The following NUDT19 variants were observed in gnomAD, a reference collection of about 807,000 sequenced individuals.
NUDT19 encodes the protein nudix hydrolase 19.
Under a neutral mutation model 22.2 loss-of-function variants are expected in NUDT19, and 31 were observed. The ratio of observed to expected loss-of-function variants is 1.40; its 90% confidence interval spans 1.05 to 1.89. The LOEUF (loss-of-function observed/expected upper bound fraction) is 1.89. Ranked by LOEUF, NUDT19 falls within the 40% of genes most tolerant of loss-of-function variation. The pLI, the probability that NUDT19 is intolerant of heterozygous loss-of-function variation, is 0.00. For synonymous variants in NUDT19, 325 were observed against 230.8 expected (o/e 1.41, Z -3.70); for missense variants, 752 against 514.2 (o/e 1.46, Z -4.47).
intron 1 of NUDT19, among the ~76,000 whole-genome samples, chr19:32,707,206 C>G (rs192799693): frequency 7.6e-4 from 116 of 152,304 alleles, no homozygotes; most frequent in Non-Finnish European, 1.0e-3. Flanking sequence ...GCCATTTAAC[C>G]CTTTGTCTTC....
At chr19:32,699,279 G>T (rs777634417) in intron 1 of NUDT19, among the ~76,000 whole-genome samples, 3 of 152,200 alleles carry the variant, frequency 2.0e-5, no homozygotes, top group Non-Finnish European at 2.9e-5. Context: ...AAGGCGAGAG[G>T]AAGTTTGTCT....
chr19:32,692,111 C>T lies in NUDT19; in HGVS notation c.151C>T (p.Pro51Ser). The T allele has an allele frequency of 2.8e-6, 4 of 1,427,978 alleles. No individual in the cohort carries two copies. The highest frequency in any genetic ancestry group is 1.8e-6 in the Non-Finnish European group (2 of 1,098,546). The allele number at this position is 1,427,978 out of a possible 1,614,324, so 88.5% of individuals were successfully genotyped here. A position where few individuals can be genotyped will look rare whatever the true frequency, so the allele number is the denominator to read the frequency against. The change falls in exon 1 of 3, where the codon CCG (proline) becomes TCG (serine). Residue 51 changes from proline (P) to serine (S), a missense_variant. Coordinates refer to ENST00000397061, the MANE Select transcript of NUDT19 (RefSeq NM_001105570.2). ...GFRLLLLQRS[P>S]HQGFMPGAHV... ...CCGGCTGCTGCTGCTGCAGCGCTCC[C>T]CGCACCAAGGCTTCATGCCGGGCGC...
rs368543176 is a variant in NUDT19 at position 32,692,421 on chromosome 19, C to G, written c.461C>G (p.Pro154Arg). 929 of 1,556,628 alleles carry G rather than the reference C, an allele frequency of 6.0e-4. No homozygotes were observed. The highest frequency in any genetic ancestry group is 7.4e-4 in the Non-Finnish European group (852 of 1,158,422). ...RTSPPGPAPG[P>R]GLALEPPPGL... ...TCCCCACCAGGCCCAGCACCCGGGC[C>G]TGGCCTCGCCCTGGAGCCACCGCCG... Residue 154 changes from proline (P) to arginine (R), a missense_variant, in exon 1 of 3, where the codon CCT becomes CGT. Pro to Arg is a moderately radical substitution (Grantham distance 103). Coordinates refer to ENST00000397061, the MANE Select transcript of NUDT19 (RefSeq NM_001105570.2).
intron 1 of NUDT19, among the ~76,000 whole-genome samples, chr19:32,693,158 A>C (rs1314377528): frequency 6.6e-6 from 1 of 152,186 alleles, no homozygotes; most frequent in African/African-American, 2.4e-5. Flanking sequence ...TGACTTTAAG[A>C]ATAAAGCCGC....
intron 1 of NUDT19, among the ~76,000 whole-genome samples, chr19:32,695,839 A>G (rs953725163): frequency 6.6e-6 from 1 of 152,264 alleles, no homozygotes; most frequent in African/African-American, 2.4e-5. Flanking sequence ...CTATCTGTAT[A>G]CACGTTTTTT....
chr19:32,711,787 G>C lies in NUDT19; in HGVS notation c.958G>C (p.Glu320Gln). Residue 320 changes from glutamate (E) to glutamine (Q), a missense_variant, in exon 3 of 3, where the codon GAA (glutamate) becomes CAA (glutamine). Glu to Gln is a conservative substitution (Grantham distance 29). Coordinates refer to ENST00000397061, the MANE Select transcript of NUDT19 (RefSeq NM_001105570.2). ...ATATTTAGAAGATTCAGACTTTTTG[G>C]AAAATCTTATGTCTACTGAAAAAAA... ...ELYLEDSDFLENLMSTEKKTE... is the reference protein window; with the variant it reads ...ELYLEDSDFLQNLMSTEKKTE... The C allele has an allele frequency of 6.2e-7, 1 of 1,613,090 alleles. No individual in the cohort carries two copies. Among genetic ancestry groups the C allele is most frequent in the South Asian group, 1.1e-5 (1 of 91,016 alleles).
At chr19:32,705,669 C>T (rs1421004244) in intron 1 of NUDT19, among the ~76,000 whole-genome samples, 1 of 151,456 alleles carries the variant, frequency 6.6e-6, no homozygotes, top group Non-Finnish European at 1.5e-5. Flanking sequence ...ACTGCAACCT[C>T]CTCCTCCCTG....
intron 1 of NUDT19, among the ~76,000 whole-genome samples, chr19:32,702,075 T>TA (rs1968341735): frequency 6.6e-6 from 1 of 152,230 alleles, no homozygotes; most frequent in African/African-American, 2.4e-5. Context: ...CTGATACAGA[T>TA]ACTCTGCTTT....
At chr19:32,705,193 T>C (rs1968375456) in intron 1 of NUDT19, among the ~76,000 whole-genome samples, 1 of 146,020 alleles carries the variant, frequency 6.8e-6, no homozygotes, top group Non-Finnish European at 1.5e-5. Context: ...GAGGCCAAGG[T>C]GGGTGGATCA....
intron 1 of NUDT19, among the ~76,000 whole-genome samples, chr19:32,708,914 T>C (rs1367456766): frequency 2.6e-5 from 4 of 152,206 alleles, no homozygotes; most frequent in Non-Finnish European, 4.4e-5. Flanking sequence ...CCACCTCTTA[T>C]GCTGAACAGC....
At chr19:32,696,247 C>G (rs1387052023) in intron 1 of NUDT19, among the ~76,000 whole-genome samples, 5 of 152,158 alleles carry the variant, frequency 3.3e-5, no homozygotes, top group African/African-American at 1.2e-4. Context: ...CCTTTGGCAC[C>G]TAGTTTGCCA....
At chr19:32,707,893 G>A (rs1377051009) in intron 1 of NUDT19, among the ~76,000 whole-genome samples, 1 of 151,494 alleles carries the variant, frequency 6.6e-6, no homozygotes, top group Admixed American at 6.6e-5. Context: ...CAGGAGAATG[G>A]CATGAACCCA....
intron 2 of NUDT19, 152 bp downstream of exon 2, chr19:32,709,544 T>A: frequency 4.7e-6 from 3 of 633,240 alleles, no homozygotes; most frequent in Non-Finnish European, 8.3e-6. Flanking sequence ...CTATAAAATA[T>A]CCATATTATT....
chr19:32,694,629 T>C (rs1275561338), intron 1 of NUDT19, among the ~76,000 whole-genome samples: 4 of 152,176 alleles, frequency 2.6e-5, no homozygotes, highest in Non-Finnish European at 2.9e-5. Context: ...GGGTCTGATG[T>C]CCATAAGATT....
chr19:32,707,094 T>A (rs571774120), intron 1 of NUDT19, among the ~76,000 whole-genome samples: 9 of 152,354 alleles, frequency 5.9e-5, no homozygotes, highest in African/African-American at 2.2e-4. Context: ...CATTGCATTT[T>A]GTACAATGCT....
intron 1 of NUDT19, among the ~76,000 whole-genome samples, chr19:32,694,422 C>T (rs1968240240): frequency 6.6e-6 from 1 of 152,218 alleles, no homozygotes; most frequent in African/African-American, 2.4e-5. Flanking sequence ...ATTGTAGTTA[C>T]TATCCTTACT....
chr19:32,708,127 C>T (rs35086633), intron 1 of NUDT19, among the ~76,000 whole-genome samples: 36,788 of 141,334 alleles, frequency 0.26, 4,919 homozygotes, highest in Middle Eastern at 0.32. Flanking sequence ...CCAGCCTGGG[C>T]GACAGAGAGT....
chr19:32,700,401 CA>C lies in NUDT19; in HGVS notation c.714+7728del, dbSNP rs1296110169. Among the ~76,000 whole-genome samples, 3 of 152,218 alleles carry C rather than the reference CA, an allele frequency of 2.0e-5. No individual in the cohort carries two copies. In the East Asian group the frequency reaches 5.8e-4, roughly 29 times the overall value. ...GCGTTTACAAACCTTGAGCTAGACA[CA>C]GAGTGCTGATTGGTGCATTTTTACA... On this transcript the variant is annotated intron_variant, in intron 1 of 2. Coordinates refer to ENST00000397061, the MANE Select transcript of NUDT19 (RefSeq NM_001105570.2).
Position 32,712,483 on chromosome 19 carries a change from CCCAGGTT to C in NUDT19, c.*531_*537del, listed in dbSNP as rs1026177378. ...TCTCGGCTCACTGCAACCTCCACCT[CCCAGGTT>C]CCAGCGATTCTCATGCCTCAGCCTC... On this transcript the variant is annotated 3_prime_UTR_variant, in exon 3 of 3. Coordinates refer to ENST00000397061, the MANE Select transcript of NUDT19 (RefSeq NM_001105570.2). 2.6e-5 allele frequency: 4 copies of C among 151,142 alleles called. No homozygotes were observed. Among genetic ancestry groups the C allele is most frequent in the African/African-American group, 9.8e-5 (4 of 40,712 alleles). The allele number at this position is 151,142 out of a possible 1,614,324, so 9.4% of individuals were successfully genotyped here. A position where few individuals can be genotyped will look rare whatever the true frequency, so the allele number is the denominator to read the frequency against.
Sources: allele counts gnomAD v4.1 joint callset (sites outside exome capture counted in the v4.1 genomes callset), GRCh38; gene constraint gnomAD v4.1.1; transcripts MANE v1.5; gene names NCBI Gene and HGNC (gene_info 2026-07-23, HGNC 2026-07-21).